The following SORCS3 variants were observed in gnomAD, a reference collection of about 807,000 sequenced individuals.
SORCS3 encodes the protein sortilin related VPS10 domain containing receptor 3, also known as VPS10 domain-containing receptor SorCS3.
Under a neutral mutation model 146.3 loss-of-function variants are expected in SORCS3, and 57 were observed. That is an observed-to-expected ratio of 0.39 (90% confidence interval 0.31 to 0.49). The LOEUF (loss-of-function observed/expected upper bound fraction) is 0.49, where lower values mean the gene tolerates loss of function less well. Ranked by LOEUF, SORCS3 falls within the 20% of genes least tolerant of loss-of-function variation. SORCS3 has a pLI of 0.92. For synonymous variants in SORCS3, 653 were observed against 618.5 expected, an observed-to-expected ratio of 1.06 and a Z score of -0.83; for missense variants, 1,341 against 1,575.5, an observed-to-expected ratio of 0.85 and a Z score of 2.52.
At chr10:105,159,880 T>C (rs1174605346) in intron 11 of SORCS3, among the ~76,000 whole-genome samples, 7 of 152,220 alleles carry the variant, frequency 4.6e-5, no homozygotes, top group East Asian at 1.9e-4. Context: ...TCTCATCAGA[T>C]TGACAGCTGG....
At chr10:104,841,076 A>C (rs1475827595) in intron 1 of SORCS3, among the ~76,000 whole-genome samples, 1 of 152,104 alleles carries the variant, frequency 6.6e-6, no homozygotes, top group Non-Finnish European at 1.5e-5. Flanking sequence ...GTGTGTGTAT[A>C]CCATATATAC....
At chr10:104,784,392 T>C (rs1440265530) in intron 1 of SORCS3, among the ~76,000 whole-genome samples, 2 of 152,192 alleles carry the variant, frequency 1.3e-5, no homozygotes, top group East Asian at 3.9e-4. Context: ...CAAATGTCAA[T>C]AGTGCCAAGA....
At chr10:105,147,539 C>A in intron 8 of SORCS3, 78 bp from the exon 9 acceptor site, 1 of 1,279,236 alleles carries the variant, frequency 7.8e-7, no homozygotes, top group Non-Finnish European at 1.1e-6. Flanking sequence ...TTTCATAAGT[C>A]ATAGTAATTA....
intron 10 of SORCS3, among the ~76,000 whole-genome samples, chr10:105,158,210 TTC>T (rs2056229174): frequency 6.6e-6 from 1 of 152,222 alleles, no homozygotes; most frequent in African/African-American, 2.4e-5. Flanking sequence ...TAATCTGATT[TTC>T]TCTTTCTTTC....
chr10:104,940,219 TA>T lies in SORCS3; in HGVS notation c.795+24288del, dbSNP rs1564717795. Among the ~76,000 whole-genome samples, 11 of 14,652 alleles carry T rather than the reference TA, an allele frequency of 7.5e-4. 1 individual carries two copies. The highest frequency in any genetic ancestry group is 9.2e-4 in the Non-Finnish European group (8 of 8,722). The allele number at this position is 14,652 out of a possible 152,430, so 9.6% of individuals were successfully genotyped here. ...TCCTTTTCTTTTATATATATATATA[TA>T]TATATATATATATATATATTTTTTT... is the stretch of plus-strand genomic sequence containing the variant. On this transcript the variant is annotated intron_variant, in intron 3 of 26. Transcript: ENST00000369701.
At chr10:104,682,855 A>G (rs1033074463) in intron 1 of SORCS3, among the ~76,000 whole-genome samples, 3 of 152,204 alleles carry the variant, frequency 2.0e-5, no homozygotes, top group African/African-American at 4.8e-5. Context: ...GAAGCAAACC[A>G]TGAACTGCTC....
intron 6 of SORCS3, among the ~76,000 whole-genome samples, chr10:105,096,510 G>T (rs929799537): frequency 6.6e-6 from 1 of 152,194 alleles, no homozygotes; most frequent in Non-Finnish European, 1.5e-5. Context: ...TATGCACACA[G>T]ATCATTGTTG....
intron 1 of SORCS3, among the ~76,000 whole-genome samples, chr10:104,797,550 C>T (rs2017571120): frequency 6.6e-6 from 1 of 151,700 alleles, no homozygotes; most frequent in African/African-American, 2.4e-5. Flanking sequence ...TTGATACTTA[C>T]AATATTGTTT....
intron 3 of SORCS3, among the ~76,000 whole-genome samples, chr10:104,964,511 A>G (rs750079201): frequency 1.3e-5 from 2 of 152,142 alleles, no homozygotes; most frequent in Non-Finnish European, 1.5e-5. Context: ...TGTAAGCTCT[A>G]TGAGGGAAAG....
At chr10:104,696,370 G>T (rs1237183841) in intron 1 of SORCS3, among the ~76,000 whole-genome samples, 396 of 14,988 alleles carry the variant, frequency 0.026, 191 homozygotes, top group Middle Eastern at 0.071. Context: ...ATCATATATA[G>T]TATATAATAT....
At chr10:104,695,763 A>C (rs916139612) in intron 1 of SORCS3, among the ~76,000 whole-genome samples, 2 of 151,272 alleles carry the variant, frequency 1.3e-5, no homozygotes, top group Non-Finnish European at 1.5e-5. Flanking sequence ...ATTTTTCTAG[A>C]TCCGTATATA....
At chr10:105,193,693 G>A (rs532143978) in intron 14 of SORCS3, among the ~76,000 whole-genome samples, 1 of 152,314 alleles carries the variant, frequency 6.6e-6, no homozygotes, top group East Asian at 1.9e-4. Context: ...CTTGAGAGAT[G>A]AAGTGATTTG....
At chr10:105,150,642 C>A (rs1315055486) in intron 9 of SORCS3, among the ~76,000 whole-genome samples, 7 of 152,008 alleles carry the variant, frequency 4.6e-5, no homozygotes, top group Non-Finnish European at 1.0e-4. Context: ...TTGTCAGGGA[C>A]AAGAATGAGG....
chr10:105,135,222 G>A (rs1016424890), intron 7 of SORCS3, among the ~76,000 whole-genome samples: 2 of 152,166 alleles, frequency 1.3e-5, no homozygotes, highest in Non-Finnish European at 2.9e-5. Context: ...AGCACATGTA[G>A]TAGCTGTGAC....
At chr10:104,847,760 T>C (rs1005165473) in intron 2 of SORCS3, among the ~76,000 whole-genome samples, 4 of 152,162 alleles carry the variant, frequency 2.6e-5, no homozygotes, top group African/African-American at 9.7e-5. Context: ...TCTTGCTTTA[T>C]TGCACCCACC....
At chr10:104,777,797 G>C (rs1034889920) in intron 1 of SORCS3, among the ~76,000 whole-genome samples, 4 of 152,190 alleles carry the variant, frequency 2.6e-5, no homozygotes, top group African/African-American at 7.2e-5. Context: ...TGGGACTGCA[G>C]TGAGGGTACT....
chr10:105,116,364 A>G (rs927707658), intron 7 of SORCS3, among the ~76,000 whole-genome samples: 3 of 152,158 alleles, frequency 2.0e-5, no homozygotes, highest in Non-Finnish European at 4.4e-5. Flanking sequence ...TGCAGATACA[A>G]GTCTTGAAGG....
chr10:105,206,443 A>G (rs1386655993), intron 16 of SORCS3, among the ~76,000 whole-genome samples: 6 of 152,310 alleles, frequency 3.9e-5, no homozygotes, highest in African/African-American at 9.6e-5. Flanking sequence ...TGTATGTGCT[A>G]TAGATACACA....
rs1023951285 is a variant in SORCS3 at position 105,247,311 on chromosome 10, A to G, written c.3085A>G (p.Ile1029Val). 8 of 1,607,184 alleles carry G rather than the reference A, an allele frequency of 5.0e-6. No homozygotes were observed. The highest frequency in any genetic ancestry group is 6.8e-6 in the Non-Finnish European group (8 of 1,173,980). ...GTGGAGAAAAGATATTGGCAATGTC[A>G]TCAAGCGAGCTCTGGTTAAAGTAAG... ...PEWRKDIGNV[I>V]KRALVKVTSV... is the part of the protein sequence containing the mutation. The change falls in exon 22 of 27, where the codon ATC (isoleucine) becomes GTC (valine). Residue 1029 changes from isoleucine to valine, a missense_variant. By Grantham distance (29) the Ile-to-Val change is conservative. Coordinates refer to ENST00000369701, the MANE Select transcript of SORCS3 (RefSeq NM_014978.3).
Sources: gnomAD v4.1 joint callset for allele counts (sites outside exome capture counted in the v4.1 genomes callset) on GRCh38, gnomAD v4.1.1 for gene constraint, MANE v1.5 for transcripts, NCBI Gene and HGNC (gene_info 2026-07-23, HGNC 2026-07-21) for gene names.